The following CALN1 variants were observed in gnomAD, a reference collection of about 807,000 sequenced individuals.
The protein encoded by CALN1 is calneuron 1.
CALN1 carries 17 observed loss-of-function variants against 30.6 expected under a neutral mutation model. The observed-to-expected ratio is 0.56, with a 90% confidence interval of 0.38 to 0.83. CALN1 has a LOEUF of 0.83. CALN1 is among the 40% of genes least tolerant of loss of function. CALN1 has a pLI of 0.00. For missense variants in CALN1, 291 were observed against 354.9 expected (o/e 0.82, Z 1.45); for synonymous variants, 156 against 131.4 (o/e 1.19, Z -1.28).
intron 3 of CALN1, among the ~76,000 whole-genome samples, chr7:72,111,513 A>G (rs908801490): frequency 6.6e-6 from 1 of 152,124 alleles, no homozygotes; most frequent in Admixed American, 6.5e-5. Flanking sequence ...GCTGAAGTGC[A>G]GTGGCACCAT....
At chr7:72,078,790 G>A (rs1804922125) in intron 4 of CALN1, among the ~76,000 whole-genome samples, 1 of 152,134 alleles carries the variant, frequency 6.6e-6, no homozygotes. Flanking sequence ...ACAAAAATTA[G>A]TTGGGCGTGG....
chr7:72,083,868 A>G (rs1276418478), intron 4 of CALN1, among the ~76,000 whole-genome samples: 1 of 151,802 alleles, frequency 6.6e-6, no homozygotes, highest in Non-Finnish European at 1.5e-5. Context: ...ACAGACTGCC[A>G]AAAACTTGCA....
chr7:72,263,586 G>A (rs1562811303), intron 3 of CALN1, among the ~76,000 whole-genome samples: 2 of 151,874 alleles, frequency 1.3e-5, no homozygotes, highest in Non-Finnish European at 2.9e-5. Flanking sequence ...TGTACAGGCT[G>A]GTTGCCCAGC....
chr7:72,116,703 C>T (rs1376055265), intron 3 of CALN1, among the ~76,000 whole-genome samples: 1 of 152,148 alleles, frequency 6.6e-6, no homozygotes, highest in Admixed American at 6.5e-5. Context: ...TAGTGTCGAA[C>T]AGGACTCCTG....
chr7:71,872,035 A>G (rs1299378240), intron 5 of CALN1, among the ~76,000 whole-genome samples: 1 of 152,158 alleles, frequency 6.6e-6, no homozygotes, highest in African/African-American at 2.4e-5. Context: ...CAATAAGATA[A>G]CTTTTAATGT....
At chr7:71,868,015 C>T (rs1013384044) in intron 5 of CALN1, among the ~76,000 whole-genome samples, 2 of 152,118 alleles carry the variant, frequency 1.3e-5, no homozygotes, top group African/African-American at 4.8e-5. Flanking sequence ...ACGGTCTTTT[C>T]ACGTATAAAA....
intron 3 of CALN1, among the ~76,000 whole-genome samples, chr7:72,209,951 A>G (rs1792274827): frequency 6.6e-6 from 1 of 152,126 alleles, no homozygotes. Context: ...ACTTCAATCA[A>G]AAGTTCTAGA....
At chr7:71,909,579 G>A (rs750407473) in intron 5 of CALN1, among the ~76,000 whole-genome samples, 7 of 152,194 alleles carry the variant, frequency 4.6e-5, no homozygotes, top group Non-Finnish European at 1.0e-4. Context: ...CTCAGATTGA[G>A]AGAATGAAAT....
chr7:72,203,979 C>CTAATTTTTTTTT lies in CALN1; in HGVS notation c.244+74706_244+74707insAAAAAAAAATTA, dbSNP rs59798860. On this transcript the variant is annotated intron_variant, in intron 3 of 6. Coordinates refer to ENST00000395275, the MANE Select transcript of CALN1 (RefSeq NM_031468.4). The stretch of plus-strand genomic sequence containing the variant: ...TAGCCTTCATATAAGAGGCCTCTCT[C>CTAATTTTTTTTT]TTTTTTTTTTTTTTTTTTTTTTTTT... Among the ~76,000 whole-genome samples, 3 of 83,808 alleles carry CTAATTTTTTTTT rather than the reference C, an allele frequency of 3.6e-5. No homozygotes were observed. In the South Asian group the frequency reaches 1.4e-3, roughly 39 times the overall value. 55.0% of individuals were successfully genotyped at this position (83,808 alleles called of 152,430 possible). A position where few individuals can be genotyped will look rare whatever the true frequency, so the allele number is the denominator to read the frequency against.
chr7:71,960,128 A>C (rs977063998), intron 5 of CALN1, among the ~76,000 whole-genome samples: 2 of 138,630 alleles, frequency 1.4e-5, no homozygotes, highest in Non-Finnish European at 3.0e-5. Flanking sequence ...GAGAGACTCC[A>C]TCTCAAAAAT....
intron 5 of CALN1, among the ~76,000 whole-genome samples, chr7:71,837,243 C>CA (rs55977265): frequency 0.5 from 39,787 of 79,468 alleles, 9,085 homozygotes; most frequent in East Asian, 0.7. Flanking sequence ...AAAAAAAAGA[C>CA]AAAAAAAAAA....
intron 4 of CALN1, among the ~76,000 whole-genome samples, chr7:72,024,254 A>C (rs1021155170): frequency 1.3e-5 from 2 of 152,184 alleles, no homozygotes; most frequent in Non-Finnish European, 2.9e-5. Context: ...AGGTGAGAAA[A>C]TCCTTCTAAG....
At chr7:72,023,817 C>A in intron 4 of CALN1, 48 bp from the exon 5 acceptor site, 1 of 1,362,346 alleles carries the variant, frequency 7.3e-7, no homozygotes, top group Non-Finnish European at 1.0e-6. Flanking sequence ...CTGAACTTGA[C>A]CTACCGTACC....
At chr7:72,341,983 G>A (rs1802406764) in intron 2 of CALN1, among the ~76,000 whole-genome samples, 1 of 151,948 alleles carries the variant, frequency 6.6e-6, no homozygotes, top group African/African-American at 2.4e-5. Context: ...GCTAGGCAGT[G>A]GCTCACACTT....
chr7:72,449,423 C>T (rs1422522426), upstream of CALN1, among the ~76,000 whole-genome samples: 2 of 152,180 alleles, frequency 1.3e-5, no homozygotes, highest in Non-Finnish European at 2.9e-5. Flanking sequence ...ACTGGGCCAG[C>T]TCAGACTGGC....
intron 2 of CALN1, among the ~76,000 whole-genome samples, chr7:72,329,435 C>G (rs903062536): frequency 6.6e-6 from 1 of 152,166 alleles, no homozygotes; most frequent in Non-Finnish European, 1.5e-5. Context: ...AACTCAGTAT[C>G]AAACCCAAAC....
At chr7:71,998,762 G>T (rs1388567742) in intron 5 of CALN1, among the ~76,000 whole-genome samples, 1 of 151,928 alleles carries the variant, frequency 6.6e-6, no homozygotes, top group African/African-American at 2.4e-5. Flanking sequence ...TCACCATGTT[G>T]CCCAGACTGG....
intron 3 of CALN1, among the ~76,000 whole-genome samples, chr7:72,171,146 A>C (rs1788930194): frequency 6.6e-6 from 1 of 152,098 alleles, no homozygotes. Context: ...TGACAGAGTG[A>C]GAGTCAGTCT....
rs189607586 is a variant in CALN1, at chr7:72,100,552, C to T, written c.388+5599G>A. On this transcript the variant is annotated intron_variant, in intron 4 of 6. Transcript: ENST00000395275. Reference sequence around the variant, plus strand: ...ATAACTTCTGAGCCGGGCGCAGTGGCTCATGCCTGTAATCCCAGAACTTTG... The same window carrying T: ...ATAACTTCTGAGCCGGGCGCAGTGGTTCATGCCTGTAATCCCAGAACTTTG... Among the ~76,000 whole-genome samples the T allele has an allele frequency of 7.0e-4, 106 of 152,194 alleles. 1 individual carries two copies. Among genetic ancestry groups the T allele is most frequent in the African/African-American group, 2.4e-3 (99 of 41,540 alleles).
Sources: allele counts gnomAD v4.1 joint callset (sites outside exome capture counted in the v4.1 genomes callset), GRCh38; gene constraint gnomAD v4.1.1; transcripts MANE v1.5; gene names NCBI Gene and HGNC (gene_info 2026-07-23, HGNC 2026-07-21).